The following WWOX variants were observed in gnomAD, a reference collection of about 807,000 sequenced individuals.
WWOX encodes WW domain-containing oxidoreductase.
WWOX carries 69 observed loss-of-function variants against 46.2 expected under a neutral mutation model. That is an observed-to-expected ratio of 1.49 (90% CI 1.23 to 1.82). The LOEUF (loss-of-function observed/expected upper bound fraction) is 1.82, where lower values mean the gene tolerates loss of function less well. Ranked by LOEUF, WWOX falls within the 40% of genes most tolerant of loss-of-function variation. The pLI, the probability that WWOX is intolerant of heterozygous loss-of-function variation, is 0.00. For synonymous variants in WWOX, 359 were observed against 202.6 expected (o/e 1.77, Z -6.56); for missense variants, 919 against 542.6 (o/e 1.69, Z -6.89).
At chr16:78,578,890 C>G (rs977125749) in intron 8 of WWOX, among the ~76,000 whole-genome samples, 1 of 152,188 alleles carries the variant, frequency 6.6e-6, no homozygotes, top group Non-Finnish European at 1.5e-5. Flanking sequence ...TGCATCTCTA[C>G]AAACAAATAT....
At chr16:78,491,333 C>G (rs1466175686) in intron 8 of WWOX, among the ~76,000 whole-genome samples, 2 of 152,288 alleles carry the variant, frequency 1.3e-5, no homozygotes, top group African/African-American at 4.8e-5. Flanking sequence ...GGGGAAAGGA[C>G]CAAGTTTTAT....
At chr16:78,862,243 T>G (rs529946289) in intron 8 of WWOX, among the ~76,000 whole-genome samples, 5 of 151,014 alleles carry the variant, frequency 3.3e-5, no homozygotes, top group African/African-American at 9.8e-5. Flanking sequence ...TATACACACC[T>G]ATGGGTGTGT....
At chr16:78,779,476 A>G (rs938646751) in intron 8 of WWOX, among the ~76,000 whole-genome samples, 3 of 152,158 alleles carry the variant, frequency 2.0e-5, no homozygotes, top group Non-Finnish European at 4.4e-5. Context: ...AAGGCTCAGA[A>G]AAGAGTGTTT....
At chr16:78,867,556 T>C (rs2044032607) in intron 8 of WWOX, among the ~76,000 whole-genome samples, 1 of 151,924 alleles carries the variant, frequency 6.6e-6, no homozygotes, top group Admixed American at 6.6e-5. Context: ...TTTGTTTTTT[T>C]TTAAGACGGA....
At chr16:79,112,655 A>T (rs1271084364) in intron 8 of WWOX, among the ~76,000 whole-genome samples, 1 of 152,260 alleles carries the variant, frequency 6.6e-6, no homozygotes, top group Non-Finnish European at 1.5e-5. Flanking sequence ...AAGCACTCGC[A>T]TGAATGTTTG....
intron 5 of WWOX, among the ~76,000 whole-genome samples, chr16:78,221,710 A>G (rs2059002012): frequency 6.6e-6 from 1 of 152,226 alleles, no homozygotes; most frequent in South Asian, 2.1e-4. Context: ...TGCAAGATGT[A>G]ATACACAGAT....
chr16:78,596,245 C>T (rs555568876), intron 8 of WWOX, among the ~76,000 whole-genome samples: 90 of 152,248 alleles, frequency 5.9e-4, no homozygotes, highest in Middle Eastern at 3.4e-3. Flanking sequence ...GGTTTGCCAT[C>T]TTTTCTTTTG....
chr16:78,890,161 A>C (rs771764972), intron 8 of WWOX: 1 of 152,202 alleles, frequency 6.6e-6, no homozygotes, highest in Non-Finnish European at 1.5e-5. Context: ...AACAGTTTTG[A>C]AGCACATATA....
At chr16:78,726,101 C>G (rs563150279) in intron 8 of WWOX, among the ~76,000 whole-genome samples, 1 of 141,760 alleles carries the variant, frequency 7.1e-6, no homozygotes, top group Non-Finnish European at 1.6e-5. Context: ...CCCTCCCTCC[C>G]TCCCTCCCTC....
At chr16:78,629,265 G>C (rs1445164895) in intron 8 of WWOX, among the ~76,000 whole-genome samples, 2 of 151,482 alleles carry the variant, frequency 1.3e-5, no homozygotes, top group Non-Finnish European at 2.9e-5. Context: ...CAAGGGATGG[G>C]GTCATAAGAC....
At chr16:78,531,348 G>T (rs900150362) in intron 8 of WWOX, among the ~76,000 whole-genome samples, 3 of 152,128 alleles carry the variant, frequency 2.0e-5, no homozygotes, top group African/African-American at 4.8e-5. Flanking sequence ...GAAGGCAGTG[G>T]AGCCCTTTTC....
rs997809974 is a variant in WWOX at position 79,176,413 on chromosome 16, A to C, written c.1057-35195A>C. On this transcript the variant is annotated intron_variant, in intron 8 of 8. Transcript: ENST00000566780. ...ATCTCCCACTGAAAAGTAGGATGTC[A>C]AATATCCTCTAGCCCTTTGCTCAGG... is the stretch of plus-strand genomic sequence containing the variant. 4.6e-5 allele frequency among the ~76,000 whole-genome samples: 7 copies of C among 152,326 alleles called. No homozygotes were observed. The South Asian group carries it at 1.4e-3, about 32-fold the overall frequency.
rs1458323914 is a variant in WWOX at position 78,100,098 on chromosome 16, T to C, written c.107+213T>C. The C allele has an allele frequency of 4.4e-6, 6 of 1,375,614 alleles. No individual in the cohort carries two copies. In the African/African-American group the frequency reaches 9.2e-5, roughly 21 times the overall value. 85.2% of individuals were successfully genotyped at this position (1,375,614 alleles called of 1,614,324 possible). On this transcript the variant is annotated intron_variant, in intron 1 of 8. Coordinates refer to ENST00000566780, the MANE Select transcript of WWOX (RefSeq NM_016373.4). The stretch of plus-strand genomic sequence containing the variant: ...GTCCAGCGGGGGTCACCTGGTGGCT[T>C]CCCGGCGCGCCCTCTGCTGTTCAGG...
At chr16:78,886,275 T>A (rs1450304993) in intron 8 of WWOX, among the ~76,000 whole-genome samples, 1 of 151,520 alleles carries the variant, frequency 6.6e-6, no homozygotes, top group African/African-American at 2.4e-5. Context: ...ACATTTGGTA[T>A]TTTTTCTTTA....
chr16:78,387,350 C>G lies in WWOX; in HGVS notation c.605+402C>G, dbSNP rs543232060. On this transcript the variant is annotated intron_variant, in intron 6 of 8. Coordinates refer to ENST00000566780, the MANE Select transcript of WWOX (RefSeq NM_016373.4). ...CAGTATGGCAGGGAGGTTGACAATCCAAGCACCCAAAAGACCTCTAGTTTC... is the reference window on the plus strand; with the variant it reads ...CAGTATGGCAGGGAGGTTGACAATCGAAGCACCCAAAAGACCTCTAGTTTC... Among the ~76,000 whole-genome samples the G allele has an allele frequency of 2.1e-4, 32 of 152,226 alleles. No individual in the cohort carries two copies. The East Asian group carries it at 6.0e-3, about 28-fold the overall frequency.
At chr16:78,459,486 G>A (rs78178026) in intron 8 of WWOX, among the ~76,000 whole-genome samples, 1,947 of 152,230 alleles carry the variant, frequency 0.013, 41 homozygotes, top group African/African-American at 0.045. Flanking sequence ...AGGTCATGCG[G>A]TATCTGCCAT....
chr16:79,143,161 C>T lies in WWOX; in HGVS notation c.1057-68447C>T, dbSNP rs563647261. Among the ~76,000 whole-genome samples the T allele has an allele frequency of 1.0e-3, 153 of 152,318 alleles. 1 individual carries two copies. The highest frequency in any genetic ancestry group is 3.5e-3 in the African/African-American group (147 of 41,568). Reference sequence around the variant, plus strand: ...GTCTGGTCTTCCAAATTTAATGCCTCATTCCAGGTAGCTGCAGATTTTATA... The same window carrying T: ...GTCTGGTCTTCCAAATTTAATGCCTTATTCCAGGTAGCTGCAGATTTTATA... On this transcript the variant is annotated intron_variant, in intron 8 of 8. Transcript: ENST00000566780.
chr16:78,118,373 A>T (rs974980645), intron 4 of WWOX, among the ~76,000 whole-genome samples: 2 of 152,160 alleles, frequency 1.3e-5, no homozygotes, highest in African/African-American at 4.8e-5. Flanking sequence ...TTGTGGGTTC[A>T]TGAAGTCCTA....
intron 5 of WWOX, among the ~76,000 whole-genome samples, chr16:78,169,538 C>A (rs985586167): frequency 1.3e-4 from 19 of 151,948 alleles, no homozygotes; most frequent in Non-Finnish European, 2.2e-4. Context: ...ACTTCATGAA[C>A]AGCTACAGCA....
Sources: gnomAD v4.1 joint callset for allele counts (sites outside exome capture counted in the v4.1 genomes callset) on GRCh38, gnomAD v4.1.1 for gene constraint, MANE v1.5 for transcripts, NCBI Gene and HGNC (gene_info 2026-07-23, HGNC 2026-07-21) for gene names.